Variants in ASIC2 observed in about 807,000 individuals in gnomAD.
ASIC2 encodes the protein acid sensing ion channel subunit 2.
Under a neutral mutation model 57.3 loss-of-function variants are expected in ASIC2, and 25 were observed. The observed-to-expected ratio is 0.44, with a 90% CI of 0.32 to 0.61. The LOEUF (loss-of-function observed/expected upper bound fraction) is 0.61, where lower values mean the gene tolerates loss of function less well. Ranked by LOEUF, ASIC2 falls within the 20% of genes least tolerant of loss-of-function variation. The pLI, the probability that ASIC2 is intolerant of heterozygous loss-of-function variation, is 0.06. For missense variants in ASIC2, 641 were observed against 738.1 expected, an observed-to-expected ratio of 0.87 and a Z score of 1.52; for synonymous variants, 319 against 307.5, an observed-to-expected ratio of 1.04 and a Z score of -0.39.
rs142804689 is a variant in ASIC2 at position 33,139,350 on chromosome 17, C to T, written c.709-27283G>A. Among the ~76,000 whole-genome samples the T allele has an allele frequency of 3.1e-3, 465 of 152,296 alleles. 1 individual carries two copies. The highest frequency in any genetic ancestry group is 6.0e-3 in the South Asian group (29 of 4,816). ...AGGATGGAGCTGTTTCCAGTCCCTT[C>T]CCCAGATCTATTCTTTCTCTGAAGC... is the stretch of plus-strand genomic sequence containing the variant. On this transcript the variant is annotated intron_variant, in intron 1 of 9. Transcript: ENST00000225823.
intron 1 of ASIC2, among the ~76,000 whole-genome samples, chr17:33,270,537 G>A (rs1423685791): frequency 6.6e-6 from 1 of 152,114 alleles, no homozygotes; most frequent in Non-Finnish European, 1.5e-5. Flanking sequence ...AGCTGTTCTG[G>A]GCCTGAGAAT....
chr17:33,523,340 T>G (rs9909314), intron 1 of ASIC2, among the ~76,000 whole-genome samples: 49,663 of 152,094 alleles, frequency 0.33, 8,554 homozygotes, highest in African/African-American at 0.4. Context: ...CACTGCAACC[T>G]CCTACTCCCA....
At chr17:33,732,630 T>C (rs955711549) in intron 1 of ASIC2, among the ~76,000 whole-genome samples, 1 of 151,866 alleles carries the variant, frequency 6.6e-6, no homozygotes, top group African/African-American at 2.4e-5. Flanking sequence ...CCTGAATTTT[T>C]TTTATTTTTT....
At chr17:33,903,915 G>T (rs1257700485) in intron 1 of ASIC2, among the ~76,000 whole-genome samples, 1 of 152,108 alleles carries the variant, frequency 6.6e-6, no homozygotes, top group African/African-American at 2.4e-5. Context: ...TGTAATCCGA[G>T]CACTTTGGGA....
intron 1 of ASIC2, among the ~76,000 whole-genome samples, chr17:34,153,036 G>A (rs985901391): frequency 1.5e-4 from 23 of 152,144 alleles, no homozygotes; most frequent in African/African-American, 5.6e-4. Context: ...TCCCACACCT[G>A]GCTTCCCTGG....
At position 33,874,576 on chromosome 17, in the gene ASIC2, T is replaced by C. The variant is rs920151044; in HGVS notation, c.555+281402A>G. Among the ~76,000 whole-genome samples the C allele has an allele frequency of 4.6e-5, 7 of 152,328 alleles. No homozygotes were observed. In the East Asian group the frequency reaches 1.2e-3, roughly 25 times the overall value. ...GCTTAACCTCGTCTGGAACTGGGCC[T>C]TGCCCCCAGATCAGAAAGATGCAAC... On this transcript the variant is annotated intron_variant, in intron 1 of 9. Coordinates refer to the ASIC2 transcript ENST00000359872.
At chr17:34,125,642 T>A (rs966417965) in intron 1 of ASIC2, among the ~76,000 whole-genome samples, 4 of 152,164 alleles carry the variant, frequency 2.6e-5, no homozygotes, top group Non-Finnish European at 5.9e-5. Flanking sequence ...TCAGTGTATT[T>A]TAATAAATGA....
chr17:33,125,222 A>G (rs1200188992), intron 1 of ASIC2, among the ~76,000 whole-genome samples: 11 of 152,240 alleles, frequency 7.2e-5, no homozygotes, highest in Non-Finnish European at 1.6e-4. Flanking sequence ...CATGAGTGAC[A>G]GAGGCAGAGG....
intron 1 of ASIC2, among the ~76,000 whole-genome samples, chr17:33,393,350 A>C (rs1429736140): frequency 1.3e-5 from 2 of 151,978 alleles, no homozygotes; most frequent in Admixed American, 1.3e-4. Flanking sequence ...CTTCCATGTC[A>C]TCGCTCATGC....
At chr17:34,053,423 A>G (rs1054085264) in intron 1 of ASIC2, among the ~76,000 whole-genome samples, 1 of 152,234 alleles carries the variant, frequency 6.6e-6, no homozygotes, top group Non-Finnish European at 1.5e-5. Flanking sequence ...GATGATAAAT[A>G]CAGCATTTTG....
intron 3 of ASIC2, among the ~76,000 whole-genome samples, chr17:33,079,441 G>C (rs892761910): frequency 3.9e-5 from 6 of 152,140 alleles, no homozygotes; most frequent in Non-Finnish European, 8.8e-5. Flanking sequence ...TGTGGCTGGG[G>C]TGTTGTGTGG....
At chr17:33,276,801 C>T (rs1454719772) in intron 1 of ASIC2, among the ~76,000 whole-genome samples, 3 of 152,212 alleles carry the variant, frequency 2.0e-5, no homozygotes, top group Non-Finnish European at 4.4e-5. Flanking sequence ...GGGGAAGCCG[C>T]TTTGCTTCTC....
intron 1 of ASIC2, among the ~76,000 whole-genome samples, chr17:33,996,233 T>C (rs1052762536): frequency 1.1e-4 from 17 of 152,242 alleles, no homozygotes; most frequent in African/African-American, 4.1e-4. Flanking sequence ...GTGAGTTCTT[T>C]ACACAGTTTG....
Position 33,642,954 on chromosome 17 carries a change from A to G in ASIC2, c.555+513024T>C, listed in dbSNP as rs1170967119. 2.0e-5 allele frequency among the ~76,000 whole-genome samples: 3 copies of G among 152,338 alleles called. No homozygotes were observed. In the East Asian group the frequency reaches 5.8e-4, roughly 29 times the overall value. On this transcript the variant is annotated intron_variant, in intron 1 of 9. Coordinates refer to the ASIC2 transcript ENST00000359872. ...CAGCCAGTACTGCCTGTGGCTAAGC[A>G]CACTAATTTGTTGACCAGGGTGGGT...
intron 1 of ASIC2, among the ~76,000 whole-genome samples, chr17:33,786,116 GC>G (rs112847329): frequency 8.6e-5 from 13 of 151,608 alleles, no homozygotes; most frequent in East Asian, 5.8e-4. Flanking sequence ...TCTCATCTGT[GC>G]CCCCCCCTTG....
chr17:33,804,413 C>T (rs1301514631), intron 1 of ASIC2, among the ~76,000 whole-genome samples: 1 of 152,086 alleles, frequency 6.6e-6, no homozygotes, highest in African/African-American at 2.4e-5. Context: ...TGGGGACTCA[C>T]CAAGAAGCCT....
intron 1 of ASIC2, among the ~76,000 whole-genome samples, chr17:33,387,220 A>G (rs532713574): frequency 3.9e-5 from 6 of 152,316 alleles, no homozygotes; most frequent in Non-Finnish European, 8.8e-5. Flanking sequence ...ACAAATCACA[A>G]CAAAGCTAGA....
Position 33,013,919 on chromosome 17 carries a change from G to T in ASIC2, c.*46C>A. Reference sequence around the variant, plus strand: ...TTGCTGTTCCTTGTCCTGGGTCTTGGGCCTCAAGGTCTGTTTGGAGGGAGT... The same window carrying T: ...TTGCTGTTCCTTGTCCTGGGTCTTGTGCCTCAAGGTCTGTTTGGAGGGAGT... On this transcript the variant is annotated 3_prime_UTR_variant, in exon 10 of 10. Transcript: ENST00000225823. 1.4e-6 allele frequency: 2 copies of T among 1,466,944 alleles called. No individual in the cohort carries two copies. The allele number at this position is 1,466,944 out of a possible 1,614,324, so 90.9% of individuals were successfully genotyped here. A position where few individuals can be genotyped will look rare whatever the true frequency, so the allele number is the denominator to read the frequency against.
intron 1 of ASIC2, among the ~76,000 whole-genome samples, chr17:33,782,570 A>AG (rs1333817960): frequency 1.3e-5 from 2 of 152,076 alleles, no homozygotes; most frequent in Non-Finnish European, 2.9e-5. Context: ...CTACTAAAAA[A>AG]CACAAAAAAT....
Sources: gnomAD v4.1 joint callset for allele counts (sites outside exome capture counted in the v4.1 genomes callset) on GRCh38, gnomAD v4.1.1 for gene constraint, MANE v1.5 for transcripts, NCBI Gene and HGNC (gene_info 2026-07-23, HGNC 2026-07-21) for gene names.